Variants in DIAPH2 observed in about 807,000 individuals in gnomAD.
DIAPH2 encodes the protein diaphanous related formin 2.
DIAPH2 carries 35 observed loss-of-function variants against 92.7 expected under a neutral mutation model. The observed-to-expected ratio is 0.38, with a 90% CI of 0.29 to 0.50. The LOEUF is 0.50. Ranked by LOEUF, DIAPH2 falls within the 20% of genes least tolerant of loss-of-function variation. The pLI, the probability that DIAPH2 is intolerant of heterozygous loss-of-function variation, is 0.94. For missense variants in DIAPH2, 701 were observed against 819.5 expected (o/e 0.86, Z 1.77); for synonymous variants, 301 against 280.4 (o/e 1.07, Z -0.73).
chrX:97,068,559 AT>A (rs1353157099), intron 17 of DIAPH2, among the ~76,000 whole-genome samples: 1 of 111,915 alleles, frequency 8.9e-6, no homozygotes, highest in Non-Finnish European at 1.9e-5. Flanking sequence ...AACAAAAAAA[AT>A]CATTAAACCT....
At chrX:97,583,829 C>T (rs1939499295) in intron 26 of DIAPH2, among the ~76,000 whole-genome samples, 1 of 111,759 alleles carries the variant, frequency 8.9e-6, no homozygotes, top group Non-Finnish European at 1.9e-5. Context: ...CAGCGAGACT[C>T]GGTGGGGTAG....
chrX:97,344,726 G>GTT (rs887663277), intron 23 of DIAPH2, among the ~76,000 whole-genome samples: 1 of 111,993 alleles, frequency 8.9e-6, no homozygotes, highest in African/African-American at 3.3e-5. Flanking sequence ...TCTGAAATCA[G>GTT]TTTTTGTTCT....
rs1225033677 is a variant in DIAPH2 at position 96,718,275 on chromosome X, G to A, written c.133-17483G>A. Among the ~76,000 whole-genome samples, 3 of 90,168 alleles carry A rather than the reference G, an allele frequency of 3.3e-5. 1 individual carries two copies. The Admixed American group carries it at 4.1e-4, about 12-fold the overall frequency. The allele number at this position is 90,168 out of a possible 115,157, so 78.3% of individuals were successfully genotyped here. A position where few individuals can be genotyped will look rare whatever the true frequency, so the allele number is the denominator to read the frequency against. On this transcript the variant is annotated intron_variant, in intron 1 of 26. Transcript: ENST00000324765. ...CCATCTGTGCTGTTATAAATGACAA[G>A]ATCTTGTTCTTTTTTATGGCTGGAT...
Position 96,873,141 on chromosome X carries a change from C to G in DIAPH2, c.448-8438C>G, listed in dbSNP as rs1490199532. Among the ~76,000 whole-genome samples, 3 of 111,437 alleles carry G rather than the reference C, an allele frequency of 2.7e-5. No homozygotes were observed. The Admixed American group carries it at 2.9e-4, about 11-fold the overall frequency. On this transcript the variant is annotated intron_variant, in intron 4 of 26. Transcript: ENST00000324765. ...CCATTTTAACTGGGGTGAGATGATACCTCATTGTAGTTTTGATTTGCTTTT... is the reference window on the plus strand; with the variant it reads ...CCATTTTAACTGGGGTGAGATGATAGCTCATTGTAGTTTTGATTTGCTTTT...
chrX:96,945,672 G>A lies in DIAPH2; in HGVS notation c.1509+81G>A, dbSNP rs999791824. On this transcript the variant is annotated intron_variant, in intron 14 of 26. Transcript: ENST00000324765. ...TACTCTACCTTCTTTATTAATATGA[G>A]GGCTTCTAAATGTTTCATTTATGTA... 4 of 673,695 alleles carry A rather than the reference G, an allele frequency of 5.9e-6. No individual in the cohort carries two copies. In the South Asian group the frequency reaches 1.2e-4, roughly 21 times the overall value. The allele number at this position is 673,695 out of a possible 1,213,427, so 55.5% of individuals were successfully genotyped here.
chrX:97,450,953 C>A (rs2070353963), intron 26 of DIAPH2, among the ~76,000 whole-genome samples: 2 of 105,024 alleles, frequency 1.9e-5, no homozygotes, highest in African/African-American at 6.9e-5. Context: ...TCTAGAAAAT[C>A]TTTCATTGCT....
At chrX:97,266,575 A>T (rs2068338799) in intron 23 of DIAPH2, among the ~76,000 whole-genome samples, 2 of 111,812 alleles carry the variant, frequency 1.8e-5, no homozygotes, top group African/African-American at 6.5e-5. Flanking sequence ...ATGTCCTGTA[A>T]CTTCTCCACT....
rs768520046 is a variant in DIAPH2, at chrX:97,599,300, G to A, written c.3289G>A (p.Ala1097Thr). 48 of 1,184,858 alleles carry A rather than the reference G, an allele frequency of 4.1e-5. No individual in the cohort carries two copies. The highest frequency in any genetic ancestry group is 1.1e-6 in the Non-Finnish European group (1 of 876,588). Residue 1097 changes from alanine to threonine, a missense_variant, in exon 27 of 27, where the codon GCT (alanine) becomes ACT (threonine). By Grantham distance (58) the Ala-to-Thr change is moderately conservative. This residue lies in a region of DIAPH2 where 536 missense variants were observed against 599.3 expected (regional missense o/e 0.89). Transcript: ENST00000324765. ...AAGGTCACGCTCTCGCCACAATGGA[G>A]CTATCTCATCTAAGTGATTCCTGAT... is the stretch of plus-strand genomic sequence containing the variant. ...LERSRSRHNG[A>T]ISSK
intron 1 of DIAPH2, among the ~76,000 whole-genome samples, chrX:96,714,506 C>T (rs778262439): frequency 1.8e-5 from 2 of 111,000 alleles, no homozygotes; most frequent in South Asian, 3.8e-4. Context: ...TCGGGTCATC[C>T]ATCTGCCTCA....
intron 17 of DIAPH2, among the ~76,000 whole-genome samples, chrX:97,038,492 C>G (rs1229155792): frequency 9.1e-6 from 1 of 109,678 alleles, no homozygotes; most frequent in African/African-American, 3.3e-5. Flanking sequence ...AAAAGTATTC[C>G]CTTTGTACCA....
At chrX:97,444,326 C>G (rs1480157152) in intron 26 of DIAPH2, among the ~76,000 whole-genome samples, 1 of 109,580 alleles carries the variant, frequency 9.1e-6, no homozygotes, top group African/African-American at 3.3e-5. Flanking sequence ...ACATTATTCA[C>G]AAATCTGCAG....
At chrX:97,354,654 G>A (rs745967230) in intron 24 of DIAPH2, among the ~76,000 whole-genome samples, 5 of 112,735 alleles carry the variant, frequency 4.4e-5, no homozygotes, top group African/African-American at 9.6e-5. Flanking sequence ...GATTATAGGC[G>A]TGGGCCACTG....
At chrX:97,410,686 A>G (rs1469042909) in intron 25 of DIAPH2, among the ~76,000 whole-genome samples, 1 of 111,941 alleles carries the variant, frequency 8.9e-6, no homozygotes, top group African/African-American at 3.2e-5. Flanking sequence ...ACGAATGGCT[A>G]ACTAGAATAA....
chrX:97,320,363 C>G (rs2068881803), intron 23 of DIAPH2, among the ~76,000 whole-genome samples: 1 of 109,608 alleles, frequency 9.1e-6, no homozygotes, highest in Non-Finnish European at 1.9e-5. Context: ...ACTTTTAGTA[C>G]TAAAACTAGG....
At chrX:97,367,597 T>C (rs1311908216) in intron 24 of DIAPH2, among the ~76,000 whole-genome samples, 1 of 112,092 alleles carries the variant, frequency 8.9e-6, no homozygotes, top group Admixed American at 9.5e-5. Context: ...TGTATATTCA[T>C]TGTATTTTTT....
intron 1 of DIAPH2, among the ~76,000 whole-genome samples, chrX:96,717,988 T>C (rs2063962953): frequency 2.8e-5 from 3 of 106,063 alleles, no homozygotes; most frequent in African/African-American, 1.0e-4. Context: ...TTAAAAAATA[T>C]ACAATAAACT....
chrX:96,839,394 A>G (rs1413213894), intron 4 of DIAPH2, among the ~76,000 whole-genome samples: 2 of 111,194 alleles, frequency 1.8e-5, no homozygotes, highest in Admixed American at 9.6e-5. Context: ...CTTGCCTCCT[A>G]TGACTAAAAT....
chrX:97,461,606 G>A (rs572565446), intron 26 of DIAPH2, among the ~76,000 whole-genome samples: 206 of 111,320 alleles, frequency 1.9e-3, no homozygotes, highest in African/African-American at 6.5e-3. Context: ...AAAATAGGAA[G>A]AATTAGATAA....
intron 26 of DIAPH2, among the ~76,000 whole-genome samples, chrX:97,505,244 G>A (rs1236943486): frequency 2.7e-5 from 3 of 111,713 alleles, no homozygotes; most frequent in East Asian, 2.8e-4. Context: ...TCATCATTAC[G>A]GGGCATGATA....
Sources: allele counts gnomAD v4.1 joint callset (sites outside exome capture counted in the v4.1 genomes callset), GRCh38; gene constraint gnomAD v4.1.1; regional missense constraint gnomAD v4.1.1; transcripts MANE v1.5; gene names NCBI Gene and HGNC (gene_info 2026-07-23, HGNC 2026-07-21).